Variants in PRH1 observed in about 807,000 individuals in gnomAD.
The protein encoded by PRH1 is salivary acidic proline-rich phosphoprotein 1/2.
Under a neutral mutation model 7.9 loss-of-function variants are expected in PRH1, and 7 were observed. The ratio of observed to expected loss-of-function variants is 0.89; its 90% CI spans 0.50 to 1.67. The LOEUF is 1.67. PRH1 is among the 40% of genes most tolerant of loss of function. PRH1 has a pLI of 0.00. For synonymous variants in PRH1, 45 were observed against 80.8 expected (o/e 0.56, Z 2.38); for missense variants, 109 against 223.6 (o/e 0.49, Z 3.27).
chr12:11,133,815 G>C (rs1253673878), intron 1 of PRH1: 2 of 1,614,078 alleles, frequency 1.2e-6, no homozygotes, highest in East Asian at 2.2e-5. Context: ...ATCACAAAAA[G>C]ATGACAAACC....
intron 1 of PRH1, among the ~76,000 whole-genome samples, chr12:11,149,673 A>C (rs1204281415): frequency 7.0e-6 from 1 of 142,256 alleles, no homozygotes; most frequent in African/African-American, 2.6e-5. Flanking sequence ...TTAATTCAAG[A>C]TGGATTAAAG....
chr12:11,083,267 G>A (rs77881549), intron 1 of PRH1, among the ~76,000 whole-genome samples: 30,696 of 63,390 alleles, frequency 0.48, 9,027 homozygotes, highest in Non-Finnish European at 0.64. Flanking sequence ...GCAAAATACA[G>A]ATGCTCAAAA....
chr12:11,070,849 CAG>C (rs1944034346), intron 1 of PRH1, among the ~76,000 whole-genome samples: 3 of 151,418 alleles, frequency 2.0e-5, no homozygotes, highest in South Asian at 4.1e-4. Flanking sequence ...TTGGCTTTTT[CAG>C]AGAGACAGTC....
intron 1 of PRH1, among the ~76,000 whole-genome samples, chr12:11,128,982 G>A (rs1946234475): frequency 6.6e-6 from 1 of 152,062 alleles, no homozygotes; most frequent in African/African-American, 2.4e-5. Flanking sequence ...GAGTACAGTG[G>A]CACAATCATA....
chr12:11,120,507 C>A (rs144814023), downstream of PRH1, among the ~76,000 whole-genome samples: 133 of 152,282 alleles, frequency 8.7e-4, no homozygotes, highest in African/African-American at 3.1e-3. Context: ...AGCTTTTTTA[C>A]TGACGTTTTA....
At position 10,910,767 on chromosome 12, in the gene PRH1, A is replaced by T. The variant is rs114050055; in HGVS notation, c.-58-26492T>A. On this transcript the variant is annotated intron_variant, in intron 2 of 3. Transcript: ENST00000539853. ...AATATAAATAAAACACTTTATCTTG[A>T]TTATAAGATAATAAGTAGCCATTTA... Among the ~76,000 whole-genome samples the T allele has an allele frequency of 6.0e-3, 918 of 152,332 alleles. 8 individuals are homozygous for T. The highest frequency in any genetic ancestry group is 0.021 in the African/African-American group (871 of 41,584).
Position 10,882,408 on chromosome 12 carries a change from C to T in PRH1, c.391G>A (p.Gly131Arg). The T allele has an allele frequency of 6.2e-7, 1 of 1,603,424 alleles. No individual in the cohort carries two copies. The highest frequency in any genetic ancestry group is 2.2e-5 in the East Asian group (1 of 44,582). Reference sequence around the variant, plus strand: ...GGATGGCCTCCCTGTTGGGGTGGTCCTTGTGGCCTTCCTTGAGGAGGAGGG... The same window carrying T: ...GGATGGCCTCCCTGTTGGGGTGGTCTTTGTGGCCTTCCTTGAGGAGGAGGG... Reference protein sequence around the residue: ...HPPPPQGRPQGPPQQGGHPRP... With the variant: ...HPPPPQGRPQRPPQQGGHPRP... The change falls in exon 3 of 4, where the codon GGA becomes AGA. Residue 131 changes from glycine to arginine, a missense_variant. By Grantham distance (125) the Gly-to-Arg change is moderately radical. Transcript: ENST00000543626.
At chr12:10,970,813 C>A (rs990106845) in intron 2 of PRH1, among the ~76,000 whole-genome samples, 1 of 141,008 alleles carries the variant, frequency 7.1e-6, no homozygotes, top group Non-Finnish European at 1.6e-5. Context: ...GTGATCCACC[C>A]GCTCAGCCAC....
At chr12:10,890,218 G>T (rs2135791475) in intron 2 of PRH1, among the ~76,000 whole-genome samples, 1 of 152,266 alleles carries the variant, frequency 6.6e-6, no homozygotes, top group Non-Finnish European at 1.5e-5. Flanking sequence ...CAGGGAGTTT[G>T]TCCCACTAAC....
intron 2 of PRH1, among the ~76,000 whole-genome samples, chr12:10,963,973 A>G (rs1938378168): frequency 6.9e-6 from 1 of 144,016 alleles, no homozygotes; most frequent in Admixed American, 6.9e-5. Flanking sequence ...CTAGACGTTC[A>G]AATAATCACG....
chr12:11,064,352 A>AT (rs370327692), intron 1 of PRH1, among the ~76,000 whole-genome samples: 4 of 143,434 alleles, frequency 2.8e-5, no homozygotes, highest in South Asian at 2.2e-4. Context: ...AGTACATGTG[A>AT]TTTTTTTTCA....
chr12:11,068,570 C>A (rs1353598551), intron 1 of PRH1, among the ~76,000 whole-genome samples: 1 of 152,122 alleles, frequency 6.6e-6, no homozygotes, highest in Non-Finnish European at 1.5e-5. Context: ...AATTTATATT[C>A]TTATTTCATA....
intron 1 of PRH1, chr12:11,092,411 G>A (rs1592000053): frequency 2.6e-6 from 1 of 383,130 alleles, no homozygotes; most frequent in East Asian, 3.6e-5. Flanking sequence ...ATTGAGAAGA[G>A]AGAAAGGACA....
At chr12:11,002,351 C>T (rs11054149) in intron 1 of PRH1, among the ~76,000 whole-genome samples, 31,991 of 151,848 alleles carry the variant, frequency 0.21, 3,970 homozygotes, top group Non-Finnish European at 0.27. Context: ...TTATATTATT[C>T]TCAGCATCAG....
rs79017255 is a variant in PRH1, at chr12:10,964,445, T to C, written c.-59+9210A>G. 7.2e-3 allele frequency: 1,725 copies of C among 239,822 alleles called. 18 individuals are homozygous for C. Among genetic ancestry groups the C allele is most frequent in the East Asian group, 0.038 (377 of 9,986 alleles). The allele number at this position is 239,822 out of a possible 1,614,324, so 14.9% of individuals were successfully genotyped here. On this transcript the variant is annotated intron_variant, in intron 2 of 3. Transcript: ENST00000539853. ...CTAGAAATTTGAGAGTTTCAGGTCT[T>C]TTACTCAGCACTTAATCTGACACAA...
chr12:11,000,410 GA>G (rs1328892604), intron 1 of PRH1, among the ~76,000 whole-genome samples: 50 of 152,148 alleles, frequency 3.3e-4, no homozygotes, highest in African/African-American at 1.2e-3. Flanking sequence ...TGATTCCATT[GA>G]ATTCTACTTT....
chr12:11,007,724 T>G (rs1013854029), intron 1 of PRH1, among the ~76,000 whole-genome samples: 5 of 152,042 alleles, frequency 3.3e-5, no homozygotes, highest in African/African-American at 1.2e-4. Flanking sequence ...TTTCTTGCTC[T>G]TCTCCATTTA....
intron 1 of PRH1, among the ~76,000 whole-genome samples, chr12:11,153,048 G>A (rs1364772721): frequency 6.6e-6 from 1 of 152,148 alleles, no homozygotes; most frequent in Non-Finnish European, 1.5e-5. Flanking sequence ...CTGGCATGCG[G>A]TGACACAACA....
At chr12:10,931,841 A>G (rs568702075) in intron 2 of PRH1, among the ~76,000 whole-genome samples, 2 of 151,910 alleles carry the variant, frequency 1.3e-5, no homozygotes, top group South Asian at 4.2e-4. Flanking sequence ...ACAATTATAT[A>G]TGATGCTATT....
Sources: allele counts gnomAD v4.1 joint callset (sites outside exome capture counted in the v4.1 genomes callset), GRCh38; gene constraint gnomAD v4.1.1; transcripts MANE v1.5; gene names NCBI Gene and HGNC (gene_info 2026-07-23, HGNC 2026-07-21).